Variants in USO1 observed in about 807,000 individuals in gnomAD.
USO1 encodes the protein USO1 vesicle transport factor.
USO1 carries 57 observed loss-of-function variants against 124.5 expected under a neutral mutation model. The observed-to-expected ratio is 0.46, with a 90% CI of 0.37 to 0.57. The LOEUF is 0.57. USO1 is among the 20% of genes least tolerant of loss of function. USO1 has a pLI of 0.00. For synonymous variants in USO1, 369 were observed against 362.8 expected (o/e 1.02, Z -0.19); for missense variants, 900 against 1,040.6 (o/e 0.86, Z 1.86).
chr4:75,810,342 C>A, intron 21 of USO1, 90 bp from the exon 22 acceptor site: 1 of 1,387,888 alleles, frequency 7.2e-7, no homozygotes, highest in Non-Finnish European at 9.5e-7. Flanking sequence ...AGTAAAATAT[C>A]AAAATGGCAA....
chr4:75,802,395 C>A (rs976623994), intron 17 of USO1, among the ~76,000 whole-genome samples: 1 of 152,096 alleles, frequency 6.6e-6, no homozygotes, highest in African/African-American at 2.4e-5. Context: ...CTTGGGGCTG[C>A]AAATACAGTT....
At chr4:75,786,792 A>G (rs1577961362) in intron 9 of USO1, among the ~76,000 whole-genome samples, 1 of 152,324 alleles carries the variant, frequency 6.6e-6, no homozygotes, top group East Asian at 1.9e-4. Context: ...TACAAGTACT[A>G]TGCTTCTTTG....
intron 13 of USO1, among the ~76,000 whole-genome samples, chr4:75,797,085 C>T (rs1417467689): frequency 6.6e-6 from 1 of 151,958 alleles, no homozygotes; most frequent in Admixed American, 6.6e-5. Context: ...GAGGTGGGGG[C>T]ATCGCTTGAG....
intron 1 of USO1, among the ~76,000 whole-genome samples, chr4:75,725,653 T>TA (rs1720410577): frequency 6.6e-6 from 1 of 152,122 alleles, no homozygotes; most frequent in Admixed American, 6.6e-5. Flanking sequence ...CTGAAAACAT[T>TA]ATTTAATAGT....
At chr4:75,755,551 T>G (rs1721416234) in intron 3 of USO1, 1 of 513,032 alleles carries the variant, frequency 1.9e-6, no homozygotes, top group Admixed American at 2.0e-5. Context: ...TTCAGTTATA[T>G]TTCAGTTATG....
chr4:75,738,227 C>G (rs989859620), intron 1 of USO1, among the ~76,000 whole-genome samples: 1 of 151,842 alleles, frequency 6.6e-6, no homozygotes, highest in Non-Finnish European at 1.5e-5. Context: ...GAGGCCAAAG[C>G]CAGTGGATCA....
chr4:75,806,681 TTTAAG>T (rs1261604733), intron 20 of USO1, 109 bp downstream of exon 20: 22 of 1,388,670 alleles, frequency 1.6e-5, no homozygotes, highest in African/African-American at 5.9e-5. Flanking sequence ...GTAAGTAAAA[TTTAAG>T]TTAAGACAGC....
At position 75,724,843 on chromosome 4, in the gene USO1, G is replaced by A. The variant is rs1419574924; in HGVS notation, c.24G>A (p.Met8Ile). 1 of 1,613,784 alleles carries A rather than the reference G, an allele frequency of 6.2e-7. No individual in the cohort carries two copies. The highest frequency in any genetic ancestry group is 1.7e-5 in the Admixed American group (1 of 60,022). ...AGATGAATTTCCTCCGCGGGGTAAT[G>A]GGGGGTCAGAGTGCCGGACCCCAGC... MNFLRGVMGGQSAGPQHT... is the reference protein window; with the variant it reads MNFLRGVIGGQSAGPQHT... The change falls in exon 1 of 24, where the codon ATG becomes ATA. Residue 8 changes from methionine to isoleucine, a missense_variant. Met to Ile is a conservative substitution (Grantham distance 10). Coordinates refer to ENST00000514213, the MANE Select transcript of USO1 (RefSeq NM_003715.4).
At chr4:75,767,309 A>G (rs1353009276) in intron 4 of USO1, among the ~76,000 whole-genome samples, 1 of 152,196 alleles carries the variant, frequency 6.6e-6, no homozygotes, top group African/African-American at 2.4e-5. Flanking sequence ...TCAGATATTC[A>G]CTCAATATCT....
chr4:75,793,660 A>G, intron 12 of USO1, 30 bp from the exon 13 acceptor site: 4 of 1,564,930 alleles, frequency 2.6e-6, no homozygotes, highest in Non-Finnish European at 3.5e-6. Context: ...AATCTAATAT[A>G]TTTTTATTGT....
chr4:75,738,303 A>G (rs561324378), intron 1 of USO1, among the ~76,000 whole-genome samples: 1 of 151,944 alleles, frequency 6.6e-6, no homozygotes, highest in South Asian at 2.1e-4. Flanking sequence ...CTAATAATAT[A>G]AAAATTAGCT....
intron 17 of USO1, among the ~76,000 whole-genome samples, chr4:75,803,899 T>A (rs1722921976): frequency 6.6e-6 from 1 of 152,210 alleles, no homozygotes; most frequent in African/African-American, 2.4e-5. Context: ...AATTGCAGGC[T>A]ATGCCATGAT....
chr4:75,779,375 G>A (rs1722158013), intron 8 of USO1, among the ~76,000 whole-genome samples: 1 of 152,206 alleles, frequency 6.6e-6, no homozygotes, highest in Non-Finnish European at 1.5e-5. Context: ...TGAAGATACA[G>A]AGGAAGGCAT....
intron 1 of USO1, among the ~76,000 whole-genome samples, chr4:75,746,758 C>G (rs758240833): frequency 3.3e-5 from 5 of 152,070 alleles, no homozygotes; most frequent in Non-Finnish European, 5.9e-5. Flanking sequence ...TTGCATAGTC[C>G]GTGTTCTCAA....
At position 75,782,667 on chromosome 4, in the gene USO1, A is replaced by T; in HGVS notation, c.677-13A>T. On this transcript the variant is annotated splice_polypyrimidine_tract_variant and intron_variant, in intron 8 of 23. Coordinates refer to ENST00000514213, the MANE Select transcript of USO1 (RefSeq NM_003715.4). ...ACGAGCCTTAACGCTTGTGTTTTAC[A>T]TTATTTCCCCAGGTATAGTAGTTGA... 6.5e-7 allele frequency: 1 copy of T among 1,535,878 alleles called. No individual in the cohort carries two copies. The highest frequency in any genetic ancestry group is 2.3e-5 in the Admixed American group (1 of 43,458).
At chr4:75,733,977 C>T (rs1040057910) in intron 1 of USO1, among the ~76,000 whole-genome samples, 3 of 133,118 alleles carry the variant, frequency 2.3e-5, no homozygotes, top group African/African-American at 8.2e-5. Context: ...GGAGTCTGGC[C>T]CTGTCACCCA....
At chr4:75,773,254 A>G (rs1721982556) in intron 7 of USO1, among the ~76,000 whole-genome samples, 1 of 152,134 alleles carries the variant, frequency 6.6e-6, no homozygotes, top group South Asian at 2.1e-4. Flanking sequence ...TTTTATGATC[A>G]CAGATTAAGT....
intron 4 of USO1, among the ~76,000 whole-genome samples, chr4:75,761,064 T>G (rs762577820): frequency 4.3e-4 from 65 of 152,252 alleles, no homozygotes; most frequent in Non-Finnish European, 8.8e-4. Context: ...GGAGAATTGC[T>G]TGAACCCAGG....
intron 20 of USO1, 64 bp from the exon 21 acceptor site, chr4:75,808,889 T>C: frequency 1.3e-6 from 2 of 1,488,884 alleles, no homozygotes; most frequent in South Asian, 1.3e-5. Context: ...TGTCTCCCTG[T>C]AAATATTTCC....
Sources: gnomAD v4.1 joint callset for allele counts (sites outside exome capture counted in the v4.1 genomes callset) on GRCh38, gnomAD v4.1.1 for gene constraint, MANE v1.5 for transcripts, NCBI Gene and HGNC (gene_info 2026-07-23, HGNC 2026-07-21) for gene names.